Variants in MAD1L1 observed in about 807,000 individuals in gnomAD.
The protein encoded by MAD1L1 is mitotic spindle assembly checkpoint protein MAD1.
A neutral mutation model predicts 96.9 loss-of-function variants in MAD1L1; 95 were observed. The ratio of observed to expected loss-of-function variants is 0.98; its 90% CI spans 0.83 to 1.16. MAD1L1 has a LOEUF of 1.16. Ranked by LOEUF, MAD1L1 falls within the 50% of genes most tolerant of loss-of-function variation. The pLI is 0.00. For synonymous variants in MAD1L1, 473 were observed against 396.6 expected (o/e 1.19, Z -2.29); for missense variants, 1,007 against 954.4 (o/e 1.06, Z -0.73).
intron 16 of MAD1L1, among the ~76,000 whole-genome samples, chr7:1,945,589 T>A (rs1779192725): frequency 6.6e-6 from 1 of 151,826 alleles, no homozygotes; most frequent in African/African-American, 2.4e-5. Flanking sequence ...ACCCTGGAGA[T>A]GAAGGGAAGG....
At chr7:2,168,178 G>A (rs1163440953) in intron 10 of MAD1L1, among the ~76,000 whole-genome samples, 5 of 152,040 alleles carry the variant, frequency 3.3e-5, no homozygotes, top group Non-Finnish European at 5.9e-5. Context: ...CCAGCTACTC[G>A]GGAGGCTGAG....
At chr7:2,102,762 G>A (rs957454940) in intron 11 of MAD1L1, among the ~76,000 whole-genome samples, 21 of 150,284 alleles carry the variant, frequency 1.4e-4, no homozygotes, top group Non-Finnish European at 2.8e-4. Context: ...GTGACACCAC[G>A]GTCACCGCCA....
At chr7:1,919,478 A>C (rs1433957379) in intron 17 of MAD1L1, among the ~76,000 whole-genome samples, 4 of 152,214 alleles carry the variant, frequency 2.6e-5, no homozygotes, top group African/African-American at 4.8e-5. Flanking sequence ...TACCACACAA[A>C]GGGAGGACCG....
intron 4 of MAD1L1, among the ~76,000 whole-genome samples, chr7:2,223,954 C>A (rs937096364): frequency 5.3e-5 from 8 of 152,160 alleles, no homozygotes; most frequent in Non-Finnish European, 1.2e-4. Flanking sequence ...GAAGGACAGT[C>A]CTGTTAGAAG....
chr7:1,870,657 C>T (rs1223753417), intron 18 of MAD1L1, among the ~76,000 whole-genome samples: 3 of 140,528 alleles, frequency 2.1e-5, no homozygotes, highest in South Asian at 2.4e-4. Context: ...CATATGCCTG[C>T]CACGCTGAAC....
intron 10 of MAD1L1, among the ~76,000 whole-genome samples, chr7:2,199,707 G>T (rs1792181255): frequency 6.6e-6 from 1 of 152,240 alleles, no homozygotes; most frequent in African/African-American, 2.4e-5. Context: ...GGCAGCCACT[G>T]AACTGCTGGG....
chr7:1,858,781 G>GC (rs5881909), intron 18 of MAD1L1, among the ~76,000 whole-genome samples: 2 of 152,210 alleles, frequency 1.3e-5, no homozygotes, highest in Non-Finnish European at 2.9e-5. Flanking sequence ...AGGGCAAGGG[G>GC]CCCCCAGCTG....
intron 16 of MAD1L1, among the ~76,000 whole-genome samples, chr7:1,942,941 CCAA>C (rs1779068003): frequency 6.6e-6 from 1 of 152,174 alleles, no homozygotes; most frequent in South Asian, 2.1e-4. Flanking sequence ...GACGTACAGA[CCAA>C]CAACACAGTG....
intron 10 of MAD1L1, among the ~76,000 whole-genome samples, chr7:2,153,421 G>A (rs1285899253): frequency 2.0e-5 from 3 of 152,172 alleles, no homozygotes; most frequent in Non-Finnish European, 4.4e-5. Flanking sequence ...ACATGCAAAT[G>A]GCCAACAGGT....
intron 14 of MAD1L1, among the ~76,000 whole-genome samples, chr7:1,987,659 C>T (rs1052474850): frequency 1.3e-5 from 2 of 152,204 alleles, no homozygotes; most frequent in African/African-American, 4.8e-5. Context: ...GCCCAGCCGC[C>T]GGGCCCGCAC....
At chr7:1,954,668 A>G (rs73047973) in intron 16 of MAD1L1, among the ~76,000 whole-genome samples, 5,158 of 152,276 alleles carry the variant, frequency 0.034, 190 homozygotes, top group Admixed American at 0.097. Context: ...ACTTCAGAAC[A>G]CTGCAACACG....
At chr7:1,919,236 A>C (rs909829384) in intron 17 of MAD1L1, among the ~76,000 whole-genome samples, 6 of 152,212 alleles carry the variant, frequency 3.9e-5, no homozygotes, top group Non-Finnish European at 7.3e-5. Flanking sequence ...CCAGACCCCC[A>C]ACTGTTACGA....
chr7:2,032,089 G>A (rs1037614484), intron 12 of MAD1L1, among the ~76,000 whole-genome samples: 2 of 152,228 alleles, frequency 1.3e-5, no homozygotes, highest in Non-Finnish European at 2.9e-5. Context: ...GGCACACTCC[G>A]GGCCTTGTGC....
intron 10 of MAD1L1, among the ~76,000 whole-genome samples, chr7:2,196,686 A>T (rs1792002994): frequency 6.6e-6 from 1 of 152,248 alleles, no homozygotes; most frequent in Admixed American, 6.5e-5. Context: ...GTCACAAAGG[A>T]ACAGGCATTC....
At chr7:1,969,112 G>T (rs1780298894) in intron 15 of MAD1L1, among the ~76,000 whole-genome samples, 1 of 152,198 alleles carries the variant, frequency 6.6e-6, no homozygotes, top group Non-Finnish European at 1.5e-5. Flanking sequence ...GGCCAGGTGT[G>T]GTGGCTCCCG....
intron 18 of MAD1L1, among the ~76,000 whole-genome samples, chr7:1,833,239 TCA>T (rs1335218238): frequency 6.6e-6 from 1 of 152,264 alleles, no homozygotes; most frequent in Non-Finnish European, 1.5e-5. Flanking sequence ...ATTGGTTTAA[TCA>T]CAGTGATCTG....
At chr7:1,980,848 A>T in intron 14 of MAD1L1, 1 of 496,276 alleles carries the variant, frequency 2.0e-6, no homozygotes. Context: ...CTGGGGAGAG[A>T]GCACGCTCCA....
intron 10 of MAD1L1, among the ~76,000 whole-genome samples, chr7:2,212,712 C>T (rs967156220): frequency 1.1e-4 from 16 of 152,174 alleles, no homozygotes; most frequent in African/African-American, 3.6e-4. Flanking sequence ...GCTTCCTGTA[C>T]AGCTGCAGAA....
intron 10 of MAD1L1, among the ~76,000 whole-genome samples, chr7:2,170,451 C>G (rs1790655309): frequency 6.6e-6 from 1 of 152,114 alleles, no homozygotes; most frequent in Admixed American, 6.6e-5. Flanking sequence ...AACTCATGTT[C>G]GGTGTGGCTG....
Sources: gnomAD v4.1 joint callset for allele counts (sites outside exome capture counted in the v4.1 genomes callset) on GRCh38, gnomAD v4.1.1 for gene constraint, MANE v1.5 for transcripts, NCBI Gene and HGNC (gene_info 2026-07-23, HGNC 2026-07-21) for gene names.